The following DDRGK1 variants were observed in gnomAD, a reference collection of about 807,000 sequenced individuals.
DDRGK1 encodes DDRGK domain containing 1.
A neutral mutation model predicts 45.8 loss-of-function variants in DDRGK1; 38 were observed. That is an observed-to-expected ratio of 0.83 (90% CI 0.64 to 1.09). DDRGK1 has a LOEUF of 1.09. Among genes scored for constraint, DDRGK1 ranks in the 50% least tolerant of loss-of-function variants. The pLI is 0.00. For missense variants in DDRGK1, 403 were observed against 419.9 expected, an observed-to-expected ratio of 0.96 and a Z score of 0.35; for synonymous variants, 171 against 168.7, an observed-to-expected ratio of 1.01 and a Z score of -0.11.
At chr20:3,200,840 G>A (rs553641162) in intron 2 of DDRGK1, among the ~76,000 whole-genome samples, 252 of 152,308 alleles carry the variant, frequency 1.7e-3, no homozygotes, top group South Asian at 0.01. Flanking sequence ...GCTGGGCACG[G>A]TGGCTCATGC....
At chr20:3,200,845 T>G (rs1407131991) in intron 2 of DDRGK1, among the ~76,000 whole-genome samples, 1 of 152,134 alleles carries the variant, frequency 6.6e-6, no homozygotes, top group Admixed American at 6.6e-5. Flanking sequence ...GCACGGTGGC[T>G]CATGCCTGTA....
chr20:3,196,521 CAA>C (rs11382726), intron 4 of DDRGK1, among the ~76,000 whole-genome samples: 2 of 145,914 alleles, frequency 1.4e-5, no homozygotes, highest in African/African-American at 2.6e-5. Flanking sequence ...ACTAAAAATA[CAA>C]AAAAAAAATT....
intron 4 of DDRGK1, among the ~76,000 whole-genome samples, chr20:3,198,768 G>A (rs886976653): frequency 7.4e-6 from 1 of 135,152 alleles, no homozygotes. Flanking sequence ...AGCCTAAGGA[G>A]ACATGACCAC....
chr20:3,196,032 C>T (rs1300763532), intron 4 of DDRGK1, among the ~76,000 whole-genome samples: 3 of 152,268 alleles, frequency 2.0e-5, no homozygotes, highest in East Asian at 3.9e-4. Context: ...TGGGCCACCT[C>T]GCCCATGCCC....
intron 1 of DDRGK1, among the ~76,000 whole-genome samples, chr20:3,204,115 G>C (rs1425624244): frequency 6.6e-6 from 1 of 152,144 alleles, no homozygotes; most frequent in East Asian, 1.9e-4. Flanking sequence ...CCAGCTCGTG[G>C]GGGACAGGCA....
intron 2 of DDRGK1, 38 bp downstream of exon 2, chr20:3,203,175 A>T: frequency 6.7e-7 from 1 of 1,495,436 alleles, no homozygotes; most frequent in Non-Finnish European, 8.9e-7. Context: ...CCCCCCTCCA[A>T]CCCAAACCCT....
chr20:3,195,992 C>T (rs976981178), intron 4 of DDRGK1, among the ~76,000 whole-genome samples: 2 of 152,136 alleles, frequency 1.3e-5, no homozygotes, highest in South Asian at 4.1e-4. Flanking sequence ...CATCATTCAG[C>T]CCTGCCTCTT....
chr20:3,192,313 G>A (rs1380378747), intron 6 of DDRGK1, among the ~76,000 whole-genome samples: 2 of 152,188 alleles, frequency 1.3e-5, no homozygotes, highest in Non-Finnish European at 1.5e-5. Context: ...GCCCTGAGAA[G>A]GTAGGAGGGA....
chr20:3,196,670 G>A (rs899509037), intron 4 of DDRGK1, among the ~76,000 whole-genome samples: 1 of 152,084 alleles, frequency 6.6e-6, no homozygotes, highest in Non-Finnish European at 1.5e-5. Context: ...GACAGAGCGA[G>A]ACTCCATCTC....
chr20:3,196,403 C>A (rs540180108), intron 4 of DDRGK1, among the ~76,000 whole-genome samples: 2 of 152,288 alleles, frequency 1.3e-5, no homozygotes, highest in Non-Finnish European at 2.9e-5. Flanking sequence ...GCTAGCCGGG[C>A]GTGGTGGCTC....
intron 4 of DDRGK1, among the ~76,000 whole-genome samples, chr20:3,196,951 G>A (rs930253730): frequency 2.0e-5 from 3 of 151,898 alleles, no homozygotes; most frequent in African/African-American, 4.8e-5. Flanking sequence ...GGTCGGGCAC[G>A]GTGGCTCACG....
chr20:3,203,162 AT>A, intron 2 of DDRGK1, 50 bp downstream of exon 2: 1 of 1,447,984 alleles, frequency 6.9e-7, no homozygotes, highest in Non-Finnish European at 9.2e-7. Flanking sequence ...GGGCCCTTTT[AT>A]CCCCCCCTCC....
intron 2 of DDRGK1, among the ~76,000 whole-genome samples, chr20:3,201,681 G>C (rs1472961433): frequency 2.0e-5 from 3 of 150,198 alleles, no homozygotes; most frequent in Non-Finnish European, 3.0e-5. Flanking sequence ...TTTTTGAGAC[G>C]GAGTCTCGCT....
chr20:3,191,971 TGACACACA>T, intron 6 of DDRGK1, 150 bp from the exon 7 acceptor site: 1 of 555,096 alleles, frequency 1.8e-6, no homozygotes, highest in South Asian at 2.0e-5. Flanking sequence ...CTTGCTCCCC[TGACACACA>T]CACACACACA....
In DDRGK1 at chr20:3,195,257, C is replaced by G. The variant is rs142168973; in HGVS notation, c.607G>C (p.Val203Leu). 6.2e-7 allele frequency: 1 copy of G among 1,613,942 alleles called. No individual in the cohort carries two copies. Among genetic ancestry groups the G allele is most frequent in the Non-Finnish European group, 8.5e-7 (1 of 1,179,984 alleles). Reference protein sequence around the residue: ...KEAFVVEEEGVGETMTEEQSQ... With the variant: ...KEAFVVEEEGLGETMTEEQSQ... ...TGTTCCTCAGTCATGGTCTCTCCTA[C>G]GCCTTCCTCCTCCACCACAAAGGCC... Residue 203 changes from valine to leucine, a missense_variant, in exon 5 of 9, where the codon GTA (valine) becomes CTA (leucine). Physicochemically the swap from Val to Leu is conservative, Grantham distance 32 (BLOSUM62 1). Coordinates refer to ENST00000354488, the MANE Select transcript of DDRGK1 (RefSeq NM_023935.3).
intron 5 of DDRGK1, 88 bp downstream of exon 5, chr20:3,195,143 G>A (rs1198159211): frequency 8.1e-6 from 13 of 1,599,370 alleles, no homozygotes; most frequent in African/African-American, 1.3e-5. Context: ...CTGGCCAGGG[G>A]CGTCTGGGAT....
At chr20:3,195,701 T>A (rs1217914603) in intron 4 of DDRGK1, among the ~76,000 whole-genome samples, 1 of 152,014 alleles carries the variant, frequency 6.6e-6, no homozygotes, top group Non-Finnish European at 1.5e-5. Flanking sequence ...TCACCAAGCA[T>A]ACCCCGTCAT....
intron 4 of DDRGK1, among the ~76,000 whole-genome samples, chr20:3,197,994 T>C (rs988374412): frequency 6.7e-6 from 1 of 149,404 alleles, no homozygotes; most frequent in Non-Finnish European, 1.5e-5. Context: ...TGCACACCTG[T>C]AGCCCCAGCT....
At chr20:3,195,496 T>G in intron 4 of DDRGK1, 143 bp from the exon 5 acceptor site, 1 of 1,225,526 alleles carries the variant, frequency 8.2e-7, no homozygotes, top group Non-Finnish European at 1.1e-6. Context: ...CCCCCATTTC[T>G]CCATTCCCCC....
Sources: gnomAD v4.1 joint callset for allele counts (sites outside exome capture counted in the v4.1 genomes callset) on GRCh38, gnomAD v4.1.1 for gene constraint, MANE v1.5 for transcripts, NCBI Gene and HGNC (gene_info 2026-07-23, HGNC 2026-07-21) for gene names.